SPEF2: variants seen among roughly 807,000 people sequenced by gnomAD.
SPEF2 encodes sperm flagellar and cilia associated 2, also known as sperm flagella and cilia-associated protein 2.
In SPEF2, 187 loss-of-function variants were observed where a neutral mutation model predicts 224.6. The ratio of observed to expected loss-of-function variants is 0.83; its 90% confidence interval spans 0.74 to 0.94. The LOEUF (loss-of-function observed/expected upper bound fraction) is 0.94. Ranked by LOEUF, SPEF2 falls within the 40% of genes least tolerant of loss-of-function variation. The pLI is 0.00. For missense variants in SPEF2, 2,170 were observed against 2,135.6 expected (o/e 1.02, Z -0.32); for synonymous variants, 715 against 707.3 (o/e 1.01, Z -0.17).
At chr5:35,754,956 G>A (rs62353694) in intron 24 of SPEF2, among the ~76,000 whole-genome samples, 4,454 of 152,336 alleles carry the variant, frequency 0.029, 88 homozygotes, top group Middle Eastern at 0.082. Flanking sequence ...ATACATGCTG[G>A]TACTTCCAGC....
At chr5:35,751,517 A>G (rs963148365) in intron 23 of SPEF2, among the ~76,000 whole-genome samples, 10 of 152,056 alleles carry the variant, frequency 6.6e-5, no homozygotes, top group African/African-American at 2.4e-4. Flanking sequence ...TTTGATAAGC[A>G]CAAGTTAGTA....
At chr5:35,788,881 T>C (rs767002767) in intron 30 of SPEF2, 28 of 702,976 alleles carry the variant, frequency 4.0e-5, no homozygotes, top group South Asian at 3.4e-4. Context: ...CTCCTCTTCA[T>C]AAGAGTGCTC....
At chr5:35,780,863 C>T (rs1172350126) in intron 30 of SPEF2, among the ~76,000 whole-genome samples, 4 of 152,174 alleles carry the variant, frequency 2.6e-5, no homozygotes, top group African/African-American at 7.2e-5. Context: ...TGAAAATTAT[C>T]ATCCACTTAC....
intron 26 of SPEF2, chr5:35,764,573 C>G (rs1751827724): frequency 2.2e-6 from 1 of 456,176 alleles, no homozygotes; most frequent in African/African-American, 2.0e-5. Flanking sequence ...CTTCTCTTTT[C>G]ACAACATGCC....
chr5:35,668,914 G>A (rs549965973), intron 9 of SPEF2, among the ~76,000 whole-genome samples: 1 of 152,146 alleles, frequency 6.6e-6, no homozygotes, highest in African/African-American at 2.4e-5. Context: ...GGAGGAAACA[G>A]GTAATTTTGG....
chr5:35,646,563 T>C, intron 4 of SPEF2, 104 bp from the exon 5 acceptor site: 1 of 1,200,598 alleles, frequency 8.3e-7, no homozygotes, highest in Middle Eastern at 3.0e-4. Flanking sequence ...TGCTGGGTTC[T>C]GAAATTTTCA....
intron 2 of SPEF2, among the ~76,000 whole-genome samples, chr5:35,636,975 CAAAAAAAAA>C (rs1168479903): frequency 3.4e-5 from 2 of 58,798 alleles, no homozygotes; most frequent in East Asian, 8.5e-4. Flanking sequence ...GACTCTGTCT[CAAAAAAAAA>C]AAAAAAAGAA....
intron 20 of SPEF2, among the ~76,000 whole-genome samples, chr5:35,723,190 C>T (rs1249425706): frequency 6.6e-6 from 1 of 152,018 alleles, no homozygotes; most frequent in East Asian, 1.9e-4. Flanking sequence ...ACCTGGCTGT[C>T]TCATTAATGC....
intron 23 of SPEF2, 151 bp downstream of exon 23, chr5:35,740,418 T>A: frequency 1.9e-6 from 2 of 1,026,442 alleles, no homozygotes; most frequent in Non-Finnish European, 1.4e-6. Context: ...TCAAGAGCAG[T>A]GGCTTTTCCG....
At chr5:35,712,967 A>G in intron 20 of SPEF2, 81 bp downstream of exon 20, 2 of 1,265,722 alleles carry the variant, frequency 1.6e-6, no homozygotes, top group Non-Finnish European at 2.2e-6. Context: ...AGATTTGTAT[A>G]GTAGTATACA....
chr5:35,760,322 C>G lies in SPEF2; in HGVS notation c.3620+603C>G, dbSNP rs960354794. Among the ~76,000 whole-genome samples, 8 of 150,316 alleles carry G rather than the reference C, an allele frequency of 5.3e-5. 2 individuals are homozygous for G. Among genetic ancestry groups the G allele is most frequent in the East Asian group, 2.0e-4 (1 of 5,062 alleles). ...AGCTTGCAGCGAGCCAAGATCTCACCACCGCACTCCAGCCTGGGCGACAGA... is the reference window on the plus strand; with the variant it reads ...AGCTTGCAGCGAGCCAAGATCTCACGACCGCACTCCAGCCTGGGCGACAGA... On this transcript the variant is annotated intron_variant, in intron 25 of 36. Transcript: ENST00000356031.
chr5:35,713,734 A>AAT (rs70973052), intron 20 of SPEF2, among the ~76,000 whole-genome samples: 74,154 of 102,528 alleles, frequency 0.72, 28,021 homozygotes, highest in Middle Eastern at 0.83. Flanking sequence ...TCTGTCTCAA[A>AAT]ATATATATAT....
intron 2 of SPEF2, among the ~76,000 whole-genome samples, chr5:35,631,198 G>A (rs1042373314): frequency 1.3e-5 from 2 of 152,010 alleles, no homozygotes; most frequent in Non-Finnish European, 2.9e-5. Context: ...GTTGTGCAGA[G>A]AAGCTCTTGT....
intron 25 of SPEF2, 150 bp downstream of exon 25, chr5:35,759,869 C>A: frequency 1.6e-6 from 1 of 638,446 alleles, no homozygotes; most frequent in Non-Finnish European, 2.5e-6. Flanking sequence ...TTTTTTTTAA[C>A]GTTAGTGTGT....
intron 13 of SPEF2, 31 bp from the exon 14 acceptor site, chr5:35,695,704 A>T (rs1009307434): frequency 6.3e-7 from 1 of 1,585,904 alleles, no homozygotes; most frequent in African/African-American, 1.3e-5. Context: ...AAATACCAGA[A>T]ATTTGTTCTT....
rs73080251 is a variant in SPEF2 at position 35,664,111 on chromosome 5, C to T, written c.1168-2961C>T. On this transcript the variant is annotated intron_variant, in intron 8 of 36. Coordinates refer to ENST00000356031, the MANE Select transcript of SPEF2 (RefSeq NM_024867.4). ...GTTTTCAAAGCTCCATGCATATGCCCCTTCTTGTCTAGGTCAGGCCTCATA... is the reference window on the plus strand; with the variant it reads ...GTTTTCAAAGCTCCATGCATATGCCTCTTCTTGTCTAGGTCAGGCCTCATA... 7.1e-3 allele frequency among the ~76,000 whole-genome samples: 1,078 copies of T among 152,184 alleles called. 17 individuals carry two copies. Among genetic ancestry groups the T allele is most frequent in the African/African-American group, 0.025 (1,044 of 41,522 alleles).
chr5:35,692,784 G>A, intron 12 of SPEF2, 60 bp downstream of exon 12: 3 of 1,535,538 alleles, frequency 2.0e-6, no homozygotes, highest in Non-Finnish European at 1.8e-6. Context: ...GGAGCTGGAT[G>A]GAATTTAAAA....
chr5:35,800,184 T>G (rs1368624722), intron 34 of SPEF2, 37 bp downstream of exon 34: 1 of 1,595,548 alleles, frequency 6.3e-7, no homozygotes, highest in African/African-American at 1.4e-5. Flanking sequence ...CTATAGAGTC[T>G]AGAGGGGATG....
chr5:35,806,771 A>G lies in SPEF2; in HGVS notation c.5075A>G (p.Glu1692Gly). ...GAACCTGAGGAAAATGCTGCAAGAG[A>G]AGAAAGGAAATTAAAAGACGACACG... The part of the protein sequence containing the change: ...FPEPEENAAR[E>G]ERKLKDDTEK... Residue 1692 changes from glutamate (E) to glycine (G), a missense_variant, in exon 35 of 37, where the codon GAA (glutamate) becomes GGA (glycine). Coordinates refer to ENST00000356031, the MANE Select transcript of SPEF2 (RefSeq NM_024867.4). 6.2e-7 allele frequency: 1 copy of G among 1,614,022 alleles called. No homozygotes were observed. Among genetic ancestry groups the G allele is most frequent in the Middle Eastern group, 1.6e-4 (1 of 6,062 alleles).
Sources: allele counts gnomAD v4.1 joint callset (sites outside exome capture counted in the v4.1 genomes callset), GRCh38; gene constraint gnomAD v4.1.1; transcripts MANE v1.5; gene names NCBI Gene and HGNC (gene_info 2026-07-23, HGNC 2026-07-21).